The following GOSR2 variants were observed in gnomAD, a reference collection of about 807,000 sequenced individuals.
The protein encoded by GOSR2 is 27 kDa Golgi SNARE protein.
Under a neutral mutation model 27.9 loss-of-function variants are expected in GOSR2, and 20 were observed. That is an observed-to-expected ratio of 0.72 (90% CI 0.50 to 1.04). The LOEUF (loss-of-function observed/expected upper bound fraction) is 1.04, where lower values mean the gene tolerates loss of function less well. Among genes scored for constraint, GOSR2 ranks in the 50% least tolerant of loss-of-function variants. GOSR2 has a pLI of 0.00. For missense variants in GOSR2, 261 were observed against 270.5 expected, an observed-to-expected ratio of 0.97 and a Z score of 0.25; for synonymous variants, 91 against 98.8, an observed-to-expected ratio of 0.92 and a Z score of 0.47.
chr17:46,930,951 C>T, intron 2 of GOSR2, 148 bp from the exon 3 acceptor site: 1 of 640,614 alleles, frequency 1.6e-6, no homozygotes. Flanking sequence ...TGAATTTTTT[C>T]TGTTATTCAT....
At chr17:46,946,847 A>C (rs1482068755), downstream of GOSR2, among the ~76,000 whole-genome samples, 1 of 152,200 alleles carries the variant, frequency 6.6e-6, no homozygotes, top group Non-Finnish European at 1.5e-5. Context: ...TGGGTGACGA[A>C]ATGAGACTCT....
chr17:46,957,473 TGTG>T (rs1035465515), intron 6 of GOSR2, among the ~76,000 whole-genome samples: 1 of 151,858 alleles, frequency 6.6e-6, no homozygotes, highest in Admixed American at 6.6e-5. Context: ...ACTAGCCAGG[TGTG>T]GTGGTGGGTG....
rs2089310150 is a variant in GOSR2, at chr17:46,941,761, T to A, written c.*3001T>A. ...GCTAATTTTTTTTTTTTTTTTGTATTTTTTAGTAGAGACAGGGTTTTACTA... is the reference window on the plus strand; with the variant it reads ...GCTAATTTTTTTTTTTTTTTTGTATATTTTAGTAGAGACAGGGTTTTACTA... On this transcript the variant is annotated 3_prime_UTR_variant, in exon 6 of 6. Coordinates refer to ENST00000640051, the MANE Select transcript of GOSR2 (RefSeq NM_004287.5). 1 of 184,790 alleles carries A rather than the reference T, an allele frequency of 5.4e-6. No homozygotes were observed. Among genetic ancestry groups the A allele is most frequent in the Non-Finnish European group, 1.0e-5 (1 of 98,436 alleles). 11.4% of individuals were successfully genotyped at this position (184,790 alleles called of 1,614,324 possible).
chr17:46,945,256 G>A (rs2089747981), downstream of GOSR2, among the ~76,000 whole-genome samples: 1 of 152,192 alleles, frequency 6.6e-6, no homozygotes, highest in Admixed American at 6.5e-5. Flanking sequence ...TCCACGCACT[G>A]TCCTCCGTGT....
chr17:46,947,737 C>G (rs373372197), intron 6 of GOSR2, among the ~76,000 whole-genome samples: 1 of 152,132 alleles, frequency 6.6e-6, no homozygotes, highest in South Asian at 2.1e-4. Context: ...GCAAAAGTGC[C>G]TGTATTTGAG....
intron 6 of GOSR2, among the ~76,000 whole-genome samples, chr17:46,950,202 CCT>C (rs1407947624): frequency 1.6e-4 from 25 of 152,182 alleles, no homozygotes; most frequent in African/African-American, 6.0e-4. Context: ...GAGAGCAGCC[CCT>C]GAGTCACTTC....
chr17:46,928,210 T>C (rs191297790), intron 1 of GOSR2, among the ~76,000 whole-genome samples: 1 of 152,304 alleles, frequency 6.6e-6, no homozygotes, highest in Admixed American at 6.5e-5. Context: ...GGGAGTCATT[T>C]GACAGCTCAC....
chr17:46,933,441 A>G (rs2087713671), intron 4 of GOSR2: 1 of 152,232 alleles, frequency 6.6e-6, no homozygotes, highest in South Asian at 2.1e-4. Context: ...AAACGCCAGC[A>G]TCTTCTGACA....
chr17:46,974,987 CTTTTTTTTTTTTTTTT>C (rs58438726), intron 6 of GOSR2, among the ~76,000 whole-genome samples: 2 of 119,062 alleles, frequency 1.7e-5, no homozygotes, highest in Non-Finnish European at 3.5e-5. Context: ...TTACTATTTT[CTTTTTTTTTTTTTTTT>C]TTTTTTTTTT....
chr17:46,961,931 A>G (rs1342333254), intron 6 of GOSR2, among the ~76,000 whole-genome samples: 1 of 152,212 alleles, frequency 6.6e-6, no homozygotes, highest in East Asian at 1.9e-4. Context: ...AATGATTCCA[A>G]ATCATTTTAT....
At position 46,940,067 on chromosome 17, in the gene GOSR2, G is replaced by A; in HGVS notation, c.*1307G>A. 1 of 1,087,880 alleles carries A rather than the reference G, an allele frequency of 9.2e-7. No homozygotes were observed. The highest frequency in any genetic ancestry group is 1.1e-6 in the Non-Finnish European group (1 of 893,444). 67.4% of individuals were successfully genotyped at this position (1,087,880 alleles called of 1,614,324 possible). On this transcript the variant is annotated 3_prime_UTR_variant, in exon 6 of 6. Coordinates refer to ENST00000640051, the MANE Select transcript of GOSR2 (RefSeq NM_004287.5). ...CTACCTGCTCTGTTAGTTTCTTGTT[G>A]CTTGAACTGTCTTCTGTCTTATTTC...
chr17:46,928,909 C>CTGTGGCA, intron 1 of GOSR2, among the ~76,000 whole-genome samples: 1 of 152,262 alleles, frequency 6.6e-6, no homozygotes. Flanking sequence ...TTCTCTTTCT[C>CTGTGGCA]AGCCCCACCC....
intron 6 of GOSR2, among the ~76,000 whole-genome samples, chr17:46,961,545 A>G (rs1411657732): frequency 1.3e-5 from 2 of 152,220 alleles, no homozygotes; most frequent in Non-Finnish European, 2.9e-5. Flanking sequence ...TGTTAAAAAA[A>G]GAAGCAAATG....
At chr17:46,942,731 G>A (rs1188718427), downstream of GOSR2, among the ~76,000 whole-genome samples, 2 of 152,230 alleles carry the variant, frequency 1.3e-5, no homozygotes, top group Non-Finnish European at 2.9e-5. Flanking sequence ...CCTATCTGTG[G>A]CTAGTGGGCC....
At chr17:46,952,241 C>A (rs184278355) in intron 6 of GOSR2, among the ~76,000 whole-genome samples, 1 of 152,176 alleles carries the variant, frequency 6.6e-6, no homozygotes, top group South Asian at 2.1e-4. Flanking sequence ...CGGGACTCAG[C>A]GAGGGCTGCC....
At chr17:46,931,398 G>A (rs2087357738) in intron 3 of GOSR2, 191 bp downstream of exon 3, 1 of 611,866 alleles carries the variant, frequency 1.6e-6, no homozygotes, top group South Asian at 2.0e-5. Flanking sequence ...TAGCCTGTGA[G>A]GTTTGTGACT....
At chr17:46,957,283 C>T (rs2090779949) in intron 6 of GOSR2, among the ~76,000 whole-genome samples, 2 of 151,922 alleles carry the variant, frequency 1.3e-5, no homozygotes, top group Non-Finnish European at 2.9e-5. Context: ...CCAGCCTGGG[C>T]AACAGAGTGA....
intron 6 of GOSR2, among the ~76,000 whole-genome samples, chr17:46,954,831 G>T (rs1599186904): frequency 6.6e-6 from 1 of 152,196 alleles, no homozygotes; most frequent in African/African-American, 2.4e-5. Flanking sequence ...TCTGTTATTG[G>T]TGTATAAGAA....
chr17:46,963,077 T>A (rs1312791425), intron 6 of GOSR2, among the ~76,000 whole-genome samples: 2 of 152,220 alleles, frequency 1.3e-5, no homozygotes, highest in East Asian at 3.8e-4. Flanking sequence ...GACTTCACAC[T>A]CTCAACCACT....
Sources: allele counts gnomAD v4.1 joint callset (sites outside exome capture counted in the v4.1 genomes callset), GRCh38; gene constraint gnomAD v4.1.1; transcripts MANE v1.5; gene names NCBI Gene and HGNC (gene_info 2026-07-23, HGNC 2026-07-21).